The following AMBN variants were observed in gnomAD, a reference collection of about 807,000 sequenced individuals.
AMBN encodes enamel matrix protein.
In AMBN, 54 loss-of-function variants were observed where a neutral mutation model predicts 48.0. That is an observed-to-expected ratio of 1.12 (90% CI 0.90 to 1.41). The LOEUF (loss-of-function observed/expected upper bound fraction) is 1.41. Among genes scored for constraint, AMBN ranks in the 40% most tolerant of loss-of-function variants. The probability of loss-of-function intolerance (pLI) is 0.00; values close to 1 mark genes in which losing one functional copy is unlikely to be tolerated. For synonymous variants in AMBN, 186 were observed against 190.0 expected (o/e 0.98, Z 0.17); for missense variants, 571 against 547.3 (o/e 1.04, Z -0.43).
intron 12 of AMBN, among the ~76,000 whole-genome samples, chr4:70,604,556 C>A (rs896325750): frequency 1.2e-4 from 19 of 152,164 alleles, no homozygotes; most frequent in African/African-American, 4.6e-4. Context: ...ATTGAATTAA[C>A]AAATCACTGT....
intron 2 of AMBN, 95 bp from the exon 3 acceptor site, chr4:70,596,904 T>G (rs1737395042): frequency 1.0e-6 from 1 of 1,002,822 alleles, no homozygotes; most frequent in African/African-American, 1.6e-5. Flanking sequence ...GCCTCTCAGG[T>G]AGCCCGTATG....
At chr4:70,600,618 A>C (rs145659003) in intron 5 of AMBN, among the ~76,000 whole-genome samples, 108 of 152,296 alleles carry the variant, frequency 7.1e-4, no homozygotes, top group Admixed American at 1.6e-3. Flanking sequence ...TTGTTGCGAG[A>C]CTTCCTTGCT....
At chr4:70,605,194 C>T (rs1341714632) in intron 12 of AMBN, among the ~76,000 whole-genome samples, 1 of 151,974 alleles carries the variant, frequency 6.6e-6, no homozygotes. Context: ...GATGTGAAAG[C>T]TGAGAGAGAA....
chr4:70,601,844 C>A (rs949573272), intron 6 of AMBN, 190 bp downstream of exon 6: 5 of 701,104 alleles, frequency 7.1e-6, no homozygotes, highest in Non-Finnish European at 1.0e-5. Flanking sequence ...CTATCTTTTG[C>A]CATCAGAGAC....
rs1577954728 is a variant in AMBN at position 70,598,259 on chromosome 4, C to T, written c.136-97C>T. 6.5e-6 allele frequency: 5 copies of T among 764,710 alleles called. No individual in the cohort carries two copies. In the South Asian group the frequency reaches 1.4e-4, roughly 22 times the overall value. 47.4% of individuals were successfully genotyped at this position (764,710 alleles called of 1,614,324 possible). A position where few individuals can be genotyped will look rare whatever the true frequency, so the allele number is the denominator to read the frequency against. ...TTTCATTTTATTAAATTGATTCACA[C>T]CAAACTTTGTGTTGATAATGTCAAA... On this transcript the variant is annotated intron_variant, in intron 3 of 12. Coordinates refer to ENST00000322937, the MANE Select transcript of AMBN (RefSeq NM_016519.6).
At chr4:70,595,705 G>C (rs902479013) in intron 2 of AMBN, among the ~76,000 whole-genome samples, 20 of 152,094 alleles carry the variant, frequency 1.3e-4, no homozygotes, top group Non-Finnish European at 2.2e-4. Context: ...ACAACCCCTT[G>C]GTCTTAGAAA....
chr4:70,601,542 T>A lies in AMBN; in HGVS notation c.419T>A (p.Leu140Gln). The A allele has an allele frequency of 6.2e-7, 1 of 1,614,194 alleles. No individual in the cohort carries two copies. The highest frequency in any genetic ancestry group is 8.5e-7 in the Non-Finnish European group (1 of 1,180,008). The change falls in exon 6 of 13, where the codon CTG (leucine) becomes CAG (glutamine). Residue 140 changes from leucine (L) to glutamine (Q), a missense_variant. Leu to Gln is a moderately radical substitution (Grantham distance 113). Coordinates refer to ENST00000322937, the MANE Select transcript of AMBN (RefSeq NM_016519.6). The stretch of plus-strand genomic sequence containing the variant: ...GCAACCACCAACCAGGCCACAGCAC[T>A]GAAAGAAGCACTTCAGCCTCCAATT... ...AAATTNQATA[L>Q]KEALQPPIHL...
chr4:70,606,593 A>G lies in AMBN; in HGVS notation c.1207A>G (p.Thr403Ala). The G allele has an allele frequency of 6.2e-7, 1 of 1,614,130 alleles. No homozygotes were observed. The highest frequency in any genetic ancestry group is 1.6e-4 in the Middle Eastern group (1 of 6,062). The change falls in exon 13 of 13, where the codon ACC (threonine) becomes GCC (alanine). Residue 403 changes from threonine (T) to alanine (A), a missense_variant. Physicochemically the swap from Thr to Ala is moderately conservative, Grantham distance 58 (BLOSUM62 0). Coordinates refer to ENST00000322937, the MANE Select transcript of AMBN (RefSeq NM_016519.6). Reference protein sequence around the residue: ...DVYRTYDADMTTSVDFQEEAT... With the variant: ...DVYRTYDADMATSVDFQEEAT... The stretch of plus-strand genomic sequence containing the variant: ...TTATAGGACCTACGATGCTGACATG[A>G]CCACATCCGTGGATTTCCAGGAAGA...
At chr4:70,602,314 G>GT (rs576336383) in intron 6 of AMBN, among the ~76,000 whole-genome samples, 2 of 152,084 alleles carry the variant, frequency 1.3e-5, no homozygotes, top group Admixed American at 6.5e-5. Flanking sequence ...AACCAACCAG[G>GT]TATGTTCCAG....
In AMBN at chr4:70,601,246, C is replaced by T. The variant is rs369098661; in HGVS notation, c.295-172C>T. Reference sequence around the variant, plus strand: ...GTAGGGGAGGCACACACAAGACCTCCCCAAACAACATTAACACTAACTGGT... The same window carrying T: ...GTAGGGGAGGCACACACAAGACCTCTCCAAACAACATTAACACTAACTGGT... On this transcript the variant is annotated intron_variant, in intron 5 of 12. Coordinates refer to ENST00000322937, the MANE Select transcript of AMBN (RefSeq NM_016519.6). 2.0e-5 allele frequency among the ~76,000 whole-genome samples: 3 copies of T among 152,092 alleles called. No individual in the cohort carries two copies. In the South Asian group the frequency reaches 6.2e-4, roughly 32 times the overall value.
In AMBN at chr4:70,602,662, A is replaced by T; in HGVS notation, c.570A>T (p.Ser190=). ...GVDFADPQGP[S]LPGMDFPDPQ... ...ATTTTGCTGATCCACAAGGTCCATC[A>T]GTAAGTACAGATCTCAATGAGACAC... Residue 190 remains serine (S), a splice_region_variant and synonymous_variant, in exon 7 of 13, where the codon TCA becomes TCT. Coordinates refer to ENST00000322937, the MANE Select transcript of AMBN (RefSeq NM_016519.6). The T allele has an allele frequency of 6.4e-7, 1 of 1,574,264 alleles. No homozygotes were observed. Among genetic ancestry groups the T allele is most frequent in the South Asian group, 1.2e-5 (1 of 83,280 alleles).
chr4:70,592,500 C>A, intron 1 of AMBN, 127 bp downstream of exon 1: 1 of 1,021,782 alleles, frequency 9.8e-7, no homozygotes, highest in Non-Finnish European at 1.5e-6. Flanking sequence ...TTGTTGTAAT[C>A]CATTAGCATG....
intron 6 of AMBN, among the ~76,000 whole-genome samples, chr4:70,602,414 T>C (rs1278755244): frequency 6.6e-6 from 1 of 152,152 alleles, no homozygotes; most frequent in Non-Finnish European, 1.5e-5. Flanking sequence ...TGAGTAATGT[T>C]AGTAAAAGAC....
At chr4:70,592,681 G>C (rs1402910696) in intron 1 of AMBN, among the ~76,000 whole-genome samples, 5 of 151,928 alleles carry the variant, frequency 3.3e-5, no homozygotes, top group Admixed American at 1.3e-4. Flanking sequence ...AGAATAAAGA[G>C]CTTTTTGAAT....
chr4:70,597,364 C>A (rs1446565707), intron 3 of AMBN, among the ~76,000 whole-genome samples: 1 of 151,926 alleles, frequency 6.6e-6, no homozygotes, highest in African/African-American at 2.4e-5. Flanking sequence ...TCCATACTCA[C>A]AAATAGTTTA....
intron 12 of AMBN, 110 bp from the exon 13 acceptor site, chr4:70,606,075 A>G: frequency 7.7e-7 from 1 of 1,296,466 alleles, no homozygotes; most frequent in Non-Finnish European, 1.1e-6. Context: ...CCAACTTCCT[A>G]TTCTCCACCA....
At position 70,603,211 on chromosome 4, in the gene AMBN, T is replaced by A. The variant is rs778539622; in HGVS notation, c.649-49T>A. 1.2e-5 allele frequency: 19 copies of A among 1,559,828 alleles called. No homozygotes were observed. The Admixed American group carries it at 3.2e-4, about 26-fold the overall frequency. On this transcript the variant is annotated intron_variant, in intron 9 of 12. Transcript: ENST00000322937. Reference sequence around the variant, plus strand: ...TCATATACCTCAAAAATTACTGTTATGGGGATGTGCCTGTGAGAATTACTT... The same window carrying A: ...TCATATACCTCAAAAATTACTGTTAAGGGGATGTGCCTGTGAGAATTACTT...
rs1408750972 is a variant in AMBN at position 70,599,659 on chromosome 4, C to T, written c.294+13C>T. 8 of 1,571,608 alleles carry T rather than the reference C, an allele frequency of 5.1e-6. No individual in the cohort carries two copies. Among genetic ancestry groups the T allele is most frequent in the Non-Finnish European group, 6.1e-6 (7 of 1,147,522 alleles). ...TGAAACTCAACAGGTGAGTGAATAG[C>T]ATCAATATGTTTGAAACCTCAGGCT... On this transcript the variant is annotated intron_variant, in intron 5 of 12. Transcript: ENST00000322937.
rs1459234979 is a variant in AMBN, at chr4:70,603,311, C to T, written c.700C>T (p.Gln234Ter). ...ISHGPMPQNK[Q>*]SPLYPGMLYV... is the part of the protein sequence containing the mutation. ...TCACGGACCAATGCCACAAAATAAA[C>T]AATCTCCAGTAAGTTTTTTTTAATA... Residue 234 changes from glutamine to a stop codon, truncating the protein, a stop_gained, in exon 10 of 13, where the codon CAA becomes TAA. Coordinates refer to ENST00000322937, the MANE Select transcript of AMBN (RefSeq NM_016519.6). LOFTEE classifies it high-confidence loss of function. The T allele has an allele frequency of 6.2e-7, 1 of 1,613,502 alleles. No homozygotes were observed. Among genetic ancestry groups the T allele is most frequent in the Non-Finnish European group, 8.5e-7 (1 of 1,179,768 alleles).
Sources: allele counts gnomAD v4.1 joint callset (sites outside exome capture counted in the v4.1 genomes callset), GRCh38; gene constraint gnomAD v4.1.1; transcripts MANE v1.5; gene names NCBI Gene and HGNC (gene_info 2026-07-23, HGNC 2026-07-21).